The following RELA variants were observed in gnomAD, a reference collection of about 807,000 sequenced individuals.
The protein encoded by RELA is transcription factor p65.
A neutral mutation model predicts 56.7 loss-of-function variants in RELA; 14 were observed. That is an observed-to-expected ratio of 0.25 (90% CI 0.16 to 0.39). The LOEUF (loss-of-function observed/expected upper bound fraction) is 0.39, where lower values mean the gene tolerates loss of function less well. RELA is among the 10% of genes least tolerant of loss of function. RELA has a pLI of 1.00. For synonymous variants in RELA, 315 were observed against 289.7 expected, an observed-to-expected ratio of 1.09 and a Z score of -0.89; for missense variants, 559 against 736.4, an observed-to-expected ratio of 0.76 and a Z score of 2.79.
chr11:65,659,861 G>A, intron 5 of RELA, 64 bp from the exon 6 acceptor site: 1 of 1,549,022 alleles, frequency 6.5e-7, no homozygotes, highest in Non-Finnish European at 8.7e-7. Context: ...ATCAGTGGGG[G>A]CAGGGAGCTC....
chr11:65,662,226 G>A (rs769029523), intron 1 of RELA, 21 bp from the exon 2 acceptor site: 8 of 1,546,240 alleles, frequency 5.2e-6, no homozygotes, highest in South Asian at 4.9e-5. Context: ...AGGGAGATCA[G>A]GGTCAGCACA....
rs1417895912 is a variant in RELA, at chr11:65,658,347, G to A, written c.817C>T (p.Arg273Trp). 7 of 1,613,182 alleles carry A rather than the reference G, an allele frequency of 4.3e-6. No homozygotes were observed. The highest frequency in any genetic ancestry group is 1.1e-5 in the South Asian group (1 of 90,872). The change falls in exon 8 of 11, where the codon CGG (arginine) becomes TGG (tryptophan). Residue 273 changes from arginine to tryptophan, a missense_variant. Arg to Trp is a moderately radical substitution (Grantham distance 101). Around this residue, in one of 4 missense-constraint regions of RELA, gnomAD observed 365 missense variants for 387.5 expected, o/e 0.94. Transcript: ENST00000406246. The surrounding 1 kb of genome is among the most constrained non-coding windows in gnomAD (Gnocchi z 4.5). Reference sequence around the variant, plus strand: ...CTGAGCTCCCGGTCGGAAGGCCGCCGCAGCTGCATGGAGACACGCACAGGA... The same window carrying A: ...CTGAGCTCCCGGTCGGAAGGCCGCCACAGCTGCATGGAGACACGCACAGGA... The part of the protein sequence containing the change: ...QAPVRVSMQL[R>W]RPSDRELSEP...
Position 65,654,478 on chromosome 11 carries a change from C to G in RELA, c.1556G>C (p.Gly519Ala), listed in dbSNP as rs1364620549. 2 of 1,602,756 alleles carry G rather than the reference C, an allele frequency of 1.2e-6. No individual in the cohort carries two copies. Among genetic ancestry groups the G allele is most frequent in the Non-Finnish European group, 1.7e-6 (2 of 1,176,140 alleles). The change falls in exon 11 of 11, where the codon GGG becomes GCG. Residue 519 changes from glycine to alanine, a missense_variant. Physicochemically the swap from Gly to Ala is moderately conservative, Grantham distance 60. This residue lies in a region of RELA where 365 missense variants were observed against 387.5 expected (regional missense o/e 0.94). Transcript: ENST00000406246. ...RPPDPAPAPLGAPGLPNGLLS... is the reference protein window; with the variant it reads ...RPPDPAPAPLAAPGLPNGLLS... Reference sequence around the variant, plus strand: ...GAGGCCATTGGGGAGCCCCGGGGCCCCCAGTGGAGCAGGAGCTGGGTCGGG... The same window carrying G: ...GAGGCCATTGGGGAGCCCCGGGGCCGCCAGTGGAGCAGGAGCTGGGTCGGG...
At chr11:65,661,360 G>C in intron 4 of RELA, 1 of 246,274 alleles carries the variant, frequency 4.1e-6, no homozygotes. Context: ...TCTGTCAACT[G>C]CAATGTCAAC....
At position 65,662,280 on chromosome 11, in the gene RELA, AGAG is replaced by A. The variant is rs567435461; in HGVS notation, c.8-78_8-76del. ...ACAAGGAGGAATCTGCTCTCCACGG[AGAG>A]GAGAAGCCAGGCTCCCTCCCAGGGG... On this transcript the variant is annotated intron_variant, in intron 1 of 10. Coordinates refer to ENST00000406246, the MANE Select transcript of RELA (RefSeq NM_021975.4). 2,702 of 1,445,634 alleles carry A rather than the reference AGAG, an allele frequency of 1.9e-3. 7 individuals are homozygous for A. Among genetic ancestry groups the A allele is most frequent in the Non-Finnish European group, 2.1e-3 (2,317 of 1,096,156 alleles). The allele number at this position is 1,445,634 out of a possible 1,614,324, so 89.6% of individuals were successfully genotyped here.
intron 1 of RELA, 65 bp downstream of exon 1, chr11:65,662,761 G>A (rs1422648684): frequency 2.6e-6 from 3 of 1,171,112 alleles, no homozygotes; most frequent in East Asian, 7.1e-5. Flanking sequence ...AGCGGCGCGG[G>A]GGCTCCCGCC....
At position 65,655,712 on chromosome 11, in the gene RELA, T is replaced by C. The variant is rs1384344058; in HGVS notation, c.1009A>G (p.Ser337Gly). Residue 337 changes from serine to glycine, a missense_variant, in exon 10 of 11, where the codon AGC (serine) becomes GGC (glycine). Around this residue, in one of 4 missense-constraint regions of RELA, gnomAD observed 365 missense variants for 387.5 expected, o/e 0.94. Coordinates refer to ENST00000406246, the MANE Select transcript of RELA (RefSeq NM_021975.4). ...PPRRIAVPSRSSASVPKPAPQ... is the reference protein window; with the variant it reads ...PPRRIAVPSRGSASVPKPAPQ... ...CCTGGCTTGGGGACAGAAGCTGAGC[T>C]GCGGGAAGGCACAGCAATGCGTCGA... 3 of 1,613,842 alleles carry C rather than the reference T, an allele frequency of 1.9e-6. No individual in the cohort carries two copies. The highest frequency in any genetic ancestry group is 2.5e-6 in the Non-Finnish European group (3 of 1,179,944).
chr11:65,661,433 CTTGT>C, intron 4 of RELA: 1 of 402,514 alleles, frequency 2.5e-6, no homozygotes, highest in Non-Finnish European at 4.4e-6. Context: ...CTCTGAGGGA[CTTGT>C]CCTTCCAGCT....
At chr11:65,655,387 C>A in intron 10 of RELA, 1 of 585,918 alleles carries the variant, frequency 1.7e-6, no homozygotes, top group South Asian at 2.1e-5. Flanking sequence ...CGCACAGGCA[C>A]ACACATCTTG....
chr11:65,655,140 C>T, intron 10 of RELA, 140 bp from the exon 11 acceptor site: 2 of 703,302 alleles, frequency 2.8e-6, no homozygotes, highest in Admixed American at 5.0e-5. Context: ...TCTCCTTCCT[C>T]TTACCCCATC....
At position 65,658,609 on chromosome 11, in the gene RELA, C is replaced by T. The variant is rs1323942561; in HGVS notation, c.664+109G>A. 2 of 1,369,540 alleles carry T rather than the reference C, an allele frequency of 1.5e-6. No individual in the cohort carries two copies. Among genetic ancestry groups the T allele is most frequent in the Non-Finnish European group, 2.1e-6 (2 of 970,006 alleles). The allele number at this position is 1,369,540 out of a possible 1,614,324, so 84.8% of individuals were successfully genotyped here. On this transcript the variant is annotated intron_variant, in intron 7 of 10. Coordinates refer to ENST00000406246, the MANE Select transcript of RELA (RefSeq NM_021975.4). This position sits in a 1 kb window ranked among gnomAD's most constrained non-coding sequence, Gnocchi z 4.5. Reference sequence around the variant, plus strand: ...ACATCACCCTTCGGCCCACCTGAGGCCCCCGAGGCACAGGAGGAAGTATCC... The same window carrying T: ...ACATCACCCTTCGGCCCACCTGAGGTCCCCGAGGCACAGGAGGAAGTATCC...
rs989029826 is a variant in RELA at position 65,658,106 on chromosome 11, C to G, written c.877+181G>C. Reference sequence around the variant, plus strand: ...CTGGAATAGGGGCAGATGTGTAGTACTAGCTCAATGTCTGAGGTATCATTA... The same window carrying G: ...CTGGAATAGGGGCAGATGTGTAGTAGTAGCTCAATGTCTGAGGTATCATTA... On this transcript the variant is annotated intron_variant, in intron 8 of 10. Transcript: ENST00000406246. The surrounding 1 kb of genome is among the most constrained non-coding windows in gnomAD (Gnocchi z 4.5). 1.3e-5 allele frequency among the ~76,000 whole-genome samples: 2 copies of G among 152,222 alleles called. No individual in the cohort carries two copies. The highest frequency in any genetic ancestry group is 2.9e-5 in the Non-Finnish European group (2 of 68,046).
chr11:65,660,779 C>T lies in RELA; in HGVS notation c.336-564G>A, dbSNP rs1471637601. 5 of 154,226 alleles carry T rather than the reference C, an allele frequency of 3.2e-5. No individual in the cohort carries two copies. The East Asian group carries it at 9.6e-4, about 30-fold the overall frequency. The allele number at this position is 154,226 out of a possible 1,614,324, so 9.6% of individuals were successfully genotyped here. A position where few individuals can be genotyped will look rare whatever the true frequency, so the allele number is the denominator to read the frequency against. On this transcript the variant is annotated intron_variant, in intron 4 of 10. Transcript: ENST00000406246. The stretch of plus-strand genomic sequence containing the variant: ...TCGGGCCGGGTGCGGTGGCTCAAGC[C>T]TGTAATCCCAGCACTTTGGGAGGCC...
Position 65,655,729 on chromosome 11 carries a change from A to G in RELA, c.992T>C (p.Ile331Thr). Residue 331 changes from isoleucine to threonine, a missense_variant, in exon 10 of 11, where the codon ATT (isoleucine) becomes ACT (threonine). By Grantham distance (89) the Ile-to-Thr change is moderately conservative. Coordinates refer to ENST00000406246, the MANE Select transcript of RELA (RefSeq NM_021975.4). Reference protein sequence around the residue: ...PTDPRPPPRRIAVPSRSSASV... With the variant: ...PTDPRPPPRRTAVPSRSSASV... ...AGCTGAGCTGCGGGAAGGCACAGCAATGCGTCGAGGTGGAGGCCGGGGGTC... is the reference window on the plus strand; with the variant it reads ...AGCTGAGCTGCGGGAAGGCACAGCAGTGCGTCGAGGTGGAGGCCGGGGGTC... 1 of 1,614,082 alleles carries G rather than the reference A, an allele frequency of 6.2e-7. No individual in the cohort carries two copies. The highest frequency in any genetic ancestry group is 8.5e-7 in the Non-Finnish European group (1 of 1,179,992).
At chr11:65,656,057 C>G in intron 8 of RELA, 122 bp from the exon 9 acceptor site, 1 of 802,020 alleles carries the variant, frequency 1.2e-6, no homozygotes, top group Non-Finnish European at 2.1e-6. Context: ...TCCCAACCTT[C>G]TCTGCCAATG....
Position 65,655,730 on chromosome 11 carries a change from T to C in RELA, c.991A>G (p.Ile331Val), listed in dbSNP as rs1180352560. 5 of 1,614,036 alleles carry C rather than the reference T, an allele frequency of 3.1e-6. No individual in the cohort carries two copies. Among genetic ancestry groups the C allele is most frequent in the Non-Finnish European group, 4.2e-6 (5 of 1,179,988 alleles). The stretch of plus-strand genomic sequence containing the variant: ...GCTGAGCTGCGGGAAGGCACAGCAA[T>C]GCGTCGAGGTGGAGGCCGGGGGTCG... ...PTDPRPPPRR[I>V]AVPSRSSASV... Residue 331 changes from isoleucine to valine, a missense_variant, in exon 10 of 11, where the codon ATT becomes GTT. Physicochemically the swap from Ile to Val is conservative, Grantham distance 29 (BLOSUM62 3). Around this residue, in one of 4 missense-constraint regions of RELA, gnomAD observed 365 missense variants for 387.5 expected, o/e 0.94. Coordinates refer to ENST00000406246, the MANE Select transcript of RELA (RefSeq NM_021975.4).
In RELA at chr11:65,659,604, C is replaced by T. The variant is rs535005039; in HGVS notation, c.559+62G>A. 6.8e-5 allele frequency: 109 copies of T among 1,604,200 alleles called. No individual in the cohort carries two copies. In the African/African-American group the frequency reaches 1.4e-3, roughly 20 times the overall value. On this transcript the variant is annotated intron_variant, in intron 6 of 10. Coordinates refer to ENST00000406246, the MANE Select transcript of RELA (RefSeq NM_021975.4). ...CGCCTCTTGCAGGCCACACTCACCC[C>T]AACCCCCTTCCTCCTATTCAGGCCC... is the stretch of plus-strand genomic sequence containing the variant.
At chr11:65,662,248 C>T (rs935293327) in intron 1 of RELA, 43 bp from the exon 2 acceptor site, 2 of 1,504,068 alleles carry the variant, frequency 1.3e-6, no homozygotes, top group Admixed American at 4.9e-5. Flanking sequence ...ACCCAATGCC[C>T]ATTCTCACAA....
chr11:65,659,272 G>A (rs1324313536), intron 6 of RELA, among the ~76,000 whole-genome samples: 2 of 152,170 alleles, frequency 1.3e-5, no homozygotes, highest in Non-Finnish European at 2.9e-5. Context: ...CTTAACTAAA[G>A]ACTGCAGCTG....
Sources: allele counts gnomAD v4.1 joint callset (sites outside exome capture counted in the v4.1 genomes callset), GRCh38; gene constraint gnomAD v4.1.1; regional missense constraint gnomAD v4.1.1; non-coding constraint Gnocchi (gnomAD v3.1); transcripts MANE v1.5; gene names NCBI Gene and HGNC (gene_info 2026-07-23, HGNC 2026-07-21).